The following FAM171A1 variants were observed in gnomAD, a reference collection of about 807,000 sequenced individuals.
The protein encoded by FAM171A1 is family with sequence similarity 171 member A1, also known as protein FAM171A1.
FAM171A1 carries 23 observed loss-of-function variants against 74.9 expected under a neutral mutation model. The observed-to-expected ratio is 0.31, with a 90% CI of 0.22 to 0.44. FAM171A1 has a LOEUF of 0.44. Among genes scored for constraint, FAM171A1 ranks in the 20% least tolerant of loss-of-function variants. FAM171A1 has a pLI of 1.00. For synonymous variants in FAM171A1, 527 were observed against 505.7 expected, an observed-to-expected ratio of 1.04 and a Z score of -0.57; for missense variants, 1,162 against 1,159.2, an observed-to-expected ratio of 1.00 and a Z score of -0.03.
At chr10:15,313,671 C>G (rs1172048056) in intron 1 of FAM171A1, among the ~76,000 whole-genome samples, 6 of 152,154 alleles carry the variant, frequency 3.9e-5, no homozygotes, top group African/African-American at 1.2e-4. Context: ...AAATCACATC[C>G]AAACGCCAAG....
chr10:15,309,164 T>C (rs1039589758), intron 1 of FAM171A1, among the ~76,000 whole-genome samples: 4 of 152,154 alleles, frequency 2.6e-5, no homozygotes, highest in Non-Finnish European at 5.9e-5. Context: ...AACATAAACA[T>C]GAACTTAAAT....
At chr10:15,224,315 G>A (rs117682245) in intron 5 of FAM171A1, among the ~76,000 whole-genome samples, 2,255 of 152,256 alleles carry the variant, frequency 0.015, 30 homozygotes, top group Admixed American at 0.026. Flanking sequence ...GGAGCACAGA[G>A]GCCCCGGGTG....
chr10:15,351,567 C>CGATG lies in FAM171A1; in HGVS notation c.97+19385_97+19388dup, dbSNP rs757265914. Among the ~76,000 whole-genome samples the CGATG allele has an allele frequency of 5.8e-3, 845 of 146,450 alleles. 24 individuals are homozygous for CGATG. The East Asian group carries it at 0.075, about 13-fold the overall frequency. ...TGGTGAAAGGTAAGGAAAGTAGGGA[C>CGATG]GATGGATGGATGGATGGATGGATGG... On this transcript the variant is annotated intron_variant, in intron 1 of 7. Coordinates refer to ENST00000378116, the MANE Select transcript of FAM171A1 (RefSeq NM_001010924.2).
At chr10:15,333,630 C>T (rs1034471852) in intron 1 of FAM171A1, among the ~76,000 whole-genome samples, 3 of 152,104 alleles carry the variant, frequency 2.0e-5, no homozygotes, top group Non-Finnish European at 4.4e-5. Context: ...GAGTTCAAGA[C>T]CAGCCTGGCC....
chr10:15,332,510 A>G (rs1190548086), intron 1 of FAM171A1, among the ~76,000 whole-genome samples: 2 of 152,180 alleles, frequency 1.3e-5, no homozygotes, highest in Admixed American at 1.3e-4. Context: ...CTGCTTGGCA[A>G]TGCTTTCTCT....
At chr10:15,256,668 T>C (rs1355807117) in intron 3 of FAM171A1, among the ~76,000 whole-genome samples, 1 of 152,244 alleles carries the variant, frequency 6.6e-6, no homozygotes, top group Non-Finnish European at 1.5e-5. Context: ...TTTAACATTA[T>C]TGTATTCTTC....
At chr10:15,374,503 T>C (rs1272222579), upstream of FAM171A1, among the ~76,000 whole-genome samples, 2 of 152,202 alleles carry the variant, frequency 1.3e-5, no homozygotes, top group Non-Finnish European at 2.9e-5. Flanking sequence ...AAAAATATGA[T>C]TTACCTTTTC....
chr10:15,312,587 G>C (rs953000648), intron 1 of FAM171A1, among the ~76,000 whole-genome samples: 1 of 148,830 alleles, frequency 6.7e-6, no homozygotes, highest in Non-Finnish European at 1.5e-5. Flanking sequence ...AGAGGTGCCC[G>C]GCTGCAAACT....
chr10:15,301,501 C>T (rs1022670007), intron 1 of FAM171A1, among the ~76,000 whole-genome samples: 2 of 152,076 alleles, frequency 1.3e-5, no homozygotes, highest in Non-Finnish European at 1.5e-5. Context: ...CCTTGCCGGG[C>T]CCTCTTCAAG....
At chr10:15,303,648 C>A (rs929412029) in intron 1 of FAM171A1, among the ~76,000 whole-genome samples, 1 of 152,196 alleles carries the variant, frequency 6.6e-6, no homozygotes, top group Non-Finnish European at 1.5e-5. Context: ...AGAACAGAGG[C>A]TCCGCCATTA....
At chr10:15,304,108 A>C (rs1016083537) in intron 1 of FAM171A1, among the ~76,000 whole-genome samples, 16 of 152,224 alleles carry the variant, frequency 1.1e-4, no homozygotes, top group Non-Finnish European at 4.4e-5. Flanking sequence ...GGATGAAACA[A>C]TGGGCTTTTG....
At chr10:15,365,084 A>G (rs1564292401) in intron 1 of FAM171A1, among the ~76,000 whole-genome samples, 1 of 152,198 alleles carries the variant, frequency 6.6e-6, no homozygotes, top group East Asian at 1.9e-4. Context: ...GCCAGAGAGC[A>G]CAATTACCTT....
chr10:15,355,589 G>A (rs975854498), intron 1 of FAM171A1, among the ~76,000 whole-genome samples: 4 of 151,992 alleles, frequency 2.6e-5, no homozygotes, highest in Non-Finnish European at 4.4e-5. Context: ...ATGGTGGTGT[G>A]CACCTGTAGT....
At chr10:15,363,283 T>C (rs951738054) in intron 1 of FAM171A1, among the ~76,000 whole-genome samples, 9 of 152,138 alleles carry the variant, frequency 5.9e-5, no homozygotes, top group African/African-American at 2.2e-4. Flanking sequence ...AGGACAGGAA[T>C]GTGAATTAAA....
intron 3 of FAM171A1, among the ~76,000 whole-genome samples, chr10:15,270,375 C>G (rs1048251537): frequency 3.9e-5 from 6 of 152,168 alleles, no homozygotes; most frequent in Non-Finnish European, 5.9e-5. Context: ...AACAAAATGG[C>G]TGGGAAGCTC....
At chr10:15,215,398 C>G (rs1833954654) in intron 7 of FAM171A1, among the ~76,000 whole-genome samples, 1 of 151,936 alleles carries the variant, frequency 6.6e-6, no homozygotes, top group South Asian at 2.1e-4. Context: ...TGGAGTCTTG[C>G]TCTGTTGCCC....
At chr10:15,261,250 G>A (rs1270865272) in intron 3 of FAM171A1, among the ~76,000 whole-genome samples, 4 of 152,190 alleles carry the variant, frequency 2.6e-5, no homozygotes, top group African/African-American at 7.2e-5. Flanking sequence ...AACTAAAGCC[G>A]GAGGGTTGCA....
At position 15,256,260 on chromosome 10, in the gene FAM171A1, G is replaced by A. The variant is rs553430767; in HGVS notation, c.419-1381C>T. 8.3e-4 allele frequency among the ~76,000 whole-genome samples: 127 copies of A among 152,240 alleles called. 1 individual carries two copies. Among genetic ancestry groups the A allele is most frequent in the Admixed American group, 6.1e-3 (94 of 15,286 alleles). ...AAGGAGTGAAGAAGCCTGTCTAGAC[G>A]TGTTCTAGAAAAAGGGAGTTTTAGA... On this transcript the variant is annotated intron_variant, in intron 3 of 7. Transcript: ENST00000378116.
At chr10:15,373,918 G>T (rs948900199), upstream of FAM171A1, among the ~76,000 whole-genome samples, 3 of 152,068 alleles carry the variant, frequency 2.0e-5, no homozygotes, top group African/African-American at 7.2e-5. Context: ...GCCTTATTTT[G>T]TTGTTGTTGT....
Sources: allele counts gnomAD v4.1 joint callset (sites outside exome capture counted in the v4.1 genomes callset), GRCh38; gene constraint gnomAD v4.1.1; transcripts MANE v1.5; gene names NCBI Gene and HGNC (gene_info 2026-07-23, HGNC 2026-07-21).